The following AAK1 variants were observed in gnomAD, a reference collection of about 807,000 sequenced individuals.
AAK1 encodes the protein AP2-associated protein kinase 1.
AAK1 carries 37 observed loss-of-function variants against 116.0 expected under a neutral mutation model. The observed-to-expected ratio is 0.32, with a 90% CI of 0.25 to 0.42. The LOEUF is 0.42. Ranked by LOEUF, AAK1 falls within the 10% of genes least tolerant of loss-of-function variation. The pLI is 1.00. For missense variants in AAK1, 919 were observed against 1,170.6 expected, an observed-to-expected ratio of 0.79 and a Z score of 3.14; for synonymous variants, 458 against 439.9, an observed-to-expected ratio of 1.04 and a Z score of -0.51.
intron 2 of AAK1, among the ~76,000 whole-genome samples, chr2:69,602,988 A>G (rs1180471359): frequency 6.6e-6 from 1 of 152,254 alleles, no homozygotes; most frequent in Non-Finnish European, 1.5e-5. Context: ...CAGGCAGTAC[A>G]TTAAAAGAAT....
intron 2 of AAK1, among the ~76,000 whole-genome samples, chr2:69,570,195 C>G (rs1425206232): frequency 6.6e-6 from 1 of 152,072 alleles, no homozygotes; most frequent in Admixed American, 6.6e-5. Context: ...CTGCTCCTCC[C>G]AACCCAACAA....
At chr2:69,546,739 G>C (rs1237160911) in intron 3 of AAK1, among the ~76,000 whole-genome samples, 1 of 152,086 alleles carries the variant, frequency 6.6e-6, no homozygotes, top group African/African-American at 2.4e-5. Flanking sequence ...TTAAGAGGTG[G>C]GGCCTTTAGG....
In AAK1 at chr2:69,474,063, GA is replaced by G. The variant is rs2104878214; in HGVS notation, c.*1805del. On this transcript the variant is annotated 3_prime_UTR_variant, in exon 22 of 22. Coordinates refer to ENST00000409085, the MANE Select transcript of AAK1 (RefSeq NM_014911.5). ...CCAGCACGGGAAGTATTTAAAGACA[GA>G]AGGAAGGCTGGAAGATTCAGACTTT... 1 of 985,904 alleles carries G rather than the reference GA, an allele frequency of 1.0e-6. No individual in the cohort carries two copies. The highest frequency in any genetic ancestry group is 6.1e-5 in the Admixed American group (1 of 16,292). The allele number at this position is 985,904 out of a possible 1,614,324, so 61.1% of individuals were successfully genotyped here. A position where few individuals can be genotyped will look rare whatever the true frequency, so the allele number is the denominator to read the frequency against.
rs939991654 is a variant in AAK1, at chr2:69,465,716, A to T, written c.*10153T>A. The T allele has an allele frequency of 2.3e-6, 3 of 1,290,896 alleles. No individual in the cohort carries two copies. The highest frequency in any genetic ancestry group is 3.0e-6 in the Non-Finnish European group (3 of 988,878). The allele number at this position is 1,290,896 out of a possible 1,614,324, so 80.0% of individuals were successfully genotyped here. On this transcript the variant is annotated 3_prime_UTR_variant, in exon 22 of 22. Coordinates refer to ENST00000409085, the MANE Select transcript of AAK1 (RefSeq NM_014911.5). ...GGAGCTGAGGTCCTTTGTTTCTGTC[A>T]TTAGAATGACCCCCAGATTCCAGGC...
chr2:69,490,204 C>T (rs1675466298), intron 17 of AAK1, among the ~76,000 whole-genome samples: 1 of 152,170 alleles, frequency 6.6e-6, no homozygotes, highest in South Asian at 2.1e-4. Flanking sequence ...AATCCTTGGG[C>T]ATTGTTGGTG....
At chr2:69,633,028 G>A (rs1191910476) in intron 2 of AAK1, among the ~76,000 whole-genome samples, 2 of 150,772 alleles carry the variant, frequency 1.3e-5, no homozygotes, top group South Asian at 2.1e-4. Flanking sequence ...GCAAGACTCC[G>A]TCTCAATAAA....
intron 2 of AAK1, chr2:69,598,100 T>C (rs925075398): frequency 1.4e-5 from 14 of 1,025,326 alleles, no homozygotes; most frequent in African/African-American, 6.7e-5. Flanking sequence ...TTTGGATACA[T>C]ATAATAACAT....
rs1350261928 is a variant in AAK1 at position 69,532,066 on chromosome 2, T to G, written c.631A>C (p.Asn211His). Residue 211 changes from asparagine to histidine, a missense_variant, in exon 6 of 22, where the codon AAT becomes CAT. Coordinates refer to ENST00000409085, the MANE Select transcript of AAK1 (RefSeq NM_014911.5). ...KFQNPQTEGV[N>H]AVEDEIKKYT... The stretch of plus-strand genomic sequence containing the variant: ...TTCTTAATCTCATCTTCTACTGCAT[T>G]GACTCCCTCAGTTTGTGGATTCTGG... The G allele has an allele frequency of 1.2e-6, 2 of 1,613,596 alleles. No homozygotes were observed. The highest frequency in any genetic ancestry group is 2.2e-5 in the South Asian group (2 of 91,082).
chr2:69,502,504 T>G (rs1432500467), intron 16 of AAK1, among the ~76,000 whole-genome samples: 1 of 151,930 alleles, frequency 6.6e-6, no homozygotes, highest in Non-Finnish European at 1.5e-5. Context: ...GCTTGTAATC[T>G]CAGCTACTTG....
In AAK1 at chr2:69,532,060, C is replaced by T; in HGVS notation, c.637G>A (p.Val213Ile). 1.9e-6 allele frequency: 3 copies of T among 1,613,476 alleles called. No homozygotes were observed. Among genetic ancestry groups the T allele is most frequent in the Non-Finnish European group, 2.5e-6 (3 of 1,179,478 alleles). ...GCTTACTTCTTAATCTCATCTTCTA[C>T]TGCATTGACTCCCTCAGTTTGTGGA... Reference protein sequence around the residue: ...QNPQTEGVNAVEDEIKKYTTL... With the variant: ...QNPQTEGVNAIEDEIKKYTTL... The change falls in exon 6 of 22, where the codon GTA (valine) becomes ATA (isoleucine). Residue 213 changes from valine to isoleucine, a missense_variant. By Grantham distance (29) the Val-to-Ile change is conservative. This residue lies in a region of AAK1 where 317 missense variants were observed against 490.4 expected (regional missense o/e 0.65). Coordinates refer to ENST00000409085, the MANE Select transcript of AAK1 (RefSeq NM_014911.5).
At chr2:69,519,310 A>C (rs1669642256) in intron 11 of AAK1, 70 bp from the exon 12 acceptor site, 6 of 1,465,380 alleles carry the variant, frequency 4.1e-6, no homozygotes, top group Non-Finnish European at 5.4e-6. Flanking sequence ...CTGTCTTGCC[A>C]AAACAACTAA....
rs1168397875 is a variant in AAK1, at chr2:69,460,088, C to G, written c.*15781G>C. 3 of 152,158 alleles carry G rather than the reference C, an allele frequency of 2.0e-5. No individual in the cohort carries two copies. The highest frequency in any genetic ancestry group is 4.4e-5 in the Non-Finnish European group (3 of 68,020). The allele number at this position is 152,158 out of a possible 1,614,324, so 9.4% of individuals were successfully genotyped here. A position where few individuals can be genotyped will look rare whatever the true frequency, so the allele number is the denominator to read the frequency against. On this transcript the variant is annotated 3_prime_UTR_variant, in exon 22 of 22. Transcript: ENST00000409085. Reference sequence around the variant, plus strand: ...TCTTTTCTGCAGCTCTCTTATGTACCTCTCATCAAAATAATTTCAGTCCCA... The same window carrying G: ...TCTTTTCTGCAGCTCTCTTATGTACGTCTCATCAAAATAATTTCAGTCCCA...
intron 3 of AAK1, among the ~76,000 whole-genome samples, chr2:69,556,444 T>C (rs765346447): frequency 6.6e-6 from 1 of 152,164 alleles, no homozygotes; most frequent in Middle Eastern, 3.2e-3. Context: ...TATAAGGATA[T>C]GTTCACAGGA....
chr2:69,510,639 T>C (rs1312885451), intron 13 of AAK1, among the ~76,000 whole-genome samples: 1 of 152,222 alleles, frequency 6.6e-6, no homozygotes, highest in Admixed American at 6.5e-5. Context: ...CTTTCCACAA[T>C]GGTTGAACTA....
At chr2:69,516,022 G>A (rs1676566439) in intron 12 of AAK1, among the ~76,000 whole-genome samples, 1 of 152,054 alleles carries the variant, frequency 6.6e-6, no homozygotes, top group Non-Finnish European at 1.5e-5. Context: ...TGGTGGGGAT[G>A]GACTTTTGCA....
chr2:69,623,173 C>T (rs1026037611), intron 2 of AAK1, among the ~76,000 whole-genome samples: 22 of 152,094 alleles, frequency 1.4e-4, no homozygotes, highest in African/African-American at 3.4e-4. Context: ...AGCGAGACCA[C>T]GAACCCACCA....
chr2:69,511,315 G>A (rs534721259), intron 13 of AAK1, among the ~76,000 whole-genome samples: 2 of 152,156 alleles, frequency 1.3e-5, no homozygotes, highest in Non-Finnish European at 2.9e-5. Flanking sequence ...CTCAGGACTT[G>A]GAAAATTTAT....
At chr2:69,526,199 T>TGGGTCTAATGCTAGGGAGCCTGAC (rs987300306) in intron 9 of AAK1, among the ~76,000 whole-genome samples, 1 of 152,206 alleles carries the variant, frequency 6.6e-6, no homozygotes, top group African/African-American at 2.4e-5. Context: ...TTCAGTCATG[T>TGGGTCTAATGCTAGGGAGCCTGAC]GGGTCTAATG....
intron 10 of AAK1, among the ~76,000 whole-genome samples, chr2:69,521,873 G>T (rs1370551267): frequency 6.6e-6 from 1 of 152,250 alleles, no homozygotes; most frequent in Non-Finnish European, 1.5e-5. Context: ...TGGTGATGTG[G>T]TTAGCTTGAA....
Sources: allele counts gnomAD v4.1 joint callset (sites outside exome capture counted in the v4.1 genomes callset), GRCh38; gene constraint gnomAD v4.1.1; regional missense constraint gnomAD v4.1.1; transcripts MANE v1.5; gene names NCBI Gene and HGNC (gene_info 2026-07-23, HGNC 2026-07-21).